The following PTPRT variants were observed in gnomAD, a reference collection of about 807,000 sequenced individuals.
The protein encoded by PTPRT is receptor-type tyrosine-protein phosphatase T.
PTPRT carries 56 observed loss-of-function variants against 176.8 expected under a neutral mutation model. That is an observed-to-expected ratio of 0.32 (90% CI 0.26 to 0.40). The LOEUF (loss-of-function observed/expected upper bound fraction) is 0.40. Ranked by LOEUF, PTPRT falls within the 10% of genes least tolerant of loss-of-function variation. PTPRT has a pLI of 1.00. For synonymous variants in PTPRT, 783 were observed against 739.0 expected (o/e 1.06, Z -0.96); for missense variants, 1,540 against 1,908.2 (o/e 0.81, Z 3.60).
At chr20:42,316,615 C>T (rs1173442953) in intron 11 of PTPRT, among the ~76,000 whole-genome samples, 1 of 152,180 alleles carries the variant, frequency 6.6e-6, no homozygotes, top group Admixed American at 6.5e-5. Flanking sequence ...ATCTGAACTC[C>T]TAATCTTGGC....
At chr20:42,262,045 G>C (rs1412097292) in intron 13 of PTPRT, among the ~76,000 whole-genome samples, 1 of 152,220 alleles carries the variant, frequency 6.6e-6, no homozygotes, top group Admixed American at 6.5e-5. Context: ...CAGAATTTCA[G>C]ATTAGTGCAA....
In PTPRT at chr20:42,074,458, C is replaced by G; in HGVS notation, c.*6421G>C. On this transcript the variant is annotated 3_prime_UTR_variant, in exon 31 of 31. Transcript: ENST00000373187. ...TTTATACTGATACTTTTCTGTCCAACACTTCAAGGCCACCAGACACTCATT... is the reference window on the plus strand; with the variant it reads ...TTTATACTGATACTTTTCTGTCCAAGACTTCAAGGCCACCAGACACTCATT... 1 of 290,220 alleles carries G rather than the reference C, an allele frequency of 3.4e-6. No homozygotes were observed. Among genetic ancestry groups the G allele is most frequent in the East Asian group, 5.1e-5 (1 of 19,560 alleles). 18.0% of individuals were successfully genotyped at this position (290,220 alleles called of 1,614,324 possible).
chr20:42,496,445 G>A (rs541726941), intron 7 of PTPRT, among the ~76,000 whole-genome samples: 115 of 152,242 alleles, frequency 7.6e-4, no homozygotes, highest in African/African-American at 2.6e-3. Context: ...AATTGGAACC[G>A]TTCTGTCAGA....
intron 7 of PTPRT, among the ~76,000 whole-genome samples, chr20:42,656,573 G>A (rs1011452337): frequency 2.6e-5 from 4 of 152,150 alleles, no homozygotes; most frequent in Admixed American, 2.6e-4. Flanking sequence ...ACTGTTGAAG[G>A]CAGGGTGAAA....
chr20:42,683,835 C>G (rs1229957903), intron 6 of PTPRT, among the ~76,000 whole-genome samples: 1 of 152,170 alleles, frequency 6.6e-6, no homozygotes, highest in Non-Finnish European at 1.5e-5. Flanking sequence ...TCTTCATGGT[C>G]CTCAAATTTA....
At chr20:42,248,862 C>G (rs1418654409) in intron 13 of PTPRT, 40 bp from the exon 14 acceptor site, 1 of 1,605,816 alleles carries the variant, frequency 6.2e-7, no homozygotes, top group Non-Finnish European at 8.5e-7. Flanking sequence ...TTGAAAGCAC[C>G]CAAACATGCG....
rs552460302 is a variant in PTPRT at position 42,762,800 on chromosome 20, G to A, written c.685-6164C>T. ...AAGAAAGGCATTTTACAGCCTAATC[G>A]GTGGTTCTGCTTAATCCCATTTTAT... On this transcript the variant is annotated intron_variant, in intron 5 of 30. Transcript: ENST00000373187. Among the ~76,000 whole-genome samples the A allele has an allele frequency of 5.9e-5, 9 of 152,312 alleles. No homozygotes were observed. The South Asian group carries it at 8.3e-4, about 14-fold the overall frequency.
Position 42,352,097 on chromosome 20 carries a change from G to T in PTPRT, c.1749C>A (p.Ala583=), listed in dbSNP as rs2058292686. 1 of 1,613,700 alleles carries T rather than the reference G, an allele frequency of 6.2e-7. No individual in the cohort carries two copies. The highest frequency in any genetic ancestry group is 8.5e-7 in the Non-Finnish European group (1 of 1,179,690). The change falls in exon 10 of 31, where the codon GCC becomes GCA. Residue 583 remains alanine (A), a synonymous_variant. Coordinates refer to ENST00000373187, the MANE Select transcript of PTPRT (RefSeq NM_007050.6). ...GFGPPVTTRI[A]TKISAPSMPE... is the part of the protein sequence containing the mutation. Reference sequence around the variant, plus strand: ...TAGCAGAGATACCTGAAATTTTGGTGGCAATCCGAGTGGTGACAGGGGGCC... The same window carrying T: ...TAGCAGAGATACCTGAAATTTTGGTTGCAATCCGAGTGGTGACAGGGGGCC...
At chr20:42,469,041 C>T (rs2071147555) in intron 8 of PTPRT, among the ~76,000 whole-genome samples, 1 of 152,002 alleles carries the variant, frequency 6.6e-6, no homozygotes, top group South Asian at 2.1e-4. Flanking sequence ...GGAAGTTTCT[C>T]AACTGCCGGG....
chr20:42,585,243 T>A (rs1028335921), intron 7 of PTPRT, among the ~76,000 whole-genome samples: 1 of 152,196 alleles, frequency 6.6e-6, no homozygotes, highest in Non-Finnish European at 1.5e-5. Context: ...GTCTAGGATA[T>A]AAGAGATACA....
intron 1 of PTPRT, among the ~76,000 whole-genome samples, chr20:42,905,479 T>C (rs369361368): frequency 2.0e-5 from 3 of 152,276 alleles, no homozygotes; most frequent in African/African-American, 7.2e-5. Flanking sequence ...GGAGTGTAAA[T>C]TAGTTCAACC....
chr20:42,128,441 T>C (rs1337107781), intron 19 of PTPRT, among the ~76,000 whole-genome samples: 1 of 152,066 alleles, frequency 6.6e-6, no homozygotes, highest in Non-Finnish European at 1.5e-5. Flanking sequence ...CTTTAAAATT[T>C]TTGTGGCATA....
chr20:42,860,442 G>A (rs780276593), intron 2 of PTPRT, among the ~76,000 whole-genome samples: 1 of 151,990 alleles, frequency 6.6e-6, no homozygotes, highest in Non-Finnish European at 1.5e-5. Flanking sequence ...TTATAACATT[G>A]CTTATACATT....
At chr20:42,935,124 G>C (rs1168503479) in intron 1 of PTPRT, among the ~76,000 whole-genome samples, 2 of 148,274 alleles carry the variant, frequency 1.3e-5, no homozygotes, top group African/African-American at 5.0e-5. Flanking sequence ...ATCTTGGAAG[G>C]GCGTCTCATT....
intron 6 of PTPRT, among the ~76,000 whole-genome samples, chr20:42,736,529 C>T (rs2076542510): frequency 6.6e-6 from 1 of 152,210 alleles, no homozygotes; most frequent in Non-Finnish European, 1.5e-5. Flanking sequence ...TGCCTGTCCT[C>T]GTGGAACCCA....
rs73906973 is a variant in PTPRT, at chr20:42,594,826, G to A, written c.1153+83040C>T. Among the ~76,000 whole-genome samples the A allele has an allele frequency of 6.9e-3, 1,050 of 152,254 alleles. 16 individuals are homozygous for A. The highest frequency in any genetic ancestry group is 0.024 in the African/African-American group (1,011 of 41,550). ...GCTGACCTCCTCTGGCAGAAATTCA[G>A]CCTCAAACTGGGAGAAATGAGTGGA... is the stretch of plus-strand genomic sequence containing the variant. On this transcript the variant is annotated intron_variant, in intron 7 of 30. Coordinates refer to ENST00000373187, the MANE Select transcript of PTPRT (RefSeq NM_007050.6).
chr20:42,401,232 T>C (rs1001567790), intron 9 of PTPRT, among the ~76,000 whole-genome samples: 25 of 152,196 alleles, frequency 1.6e-4, no homozygotes, highest in Admixed American at 1.4e-3. Context: ...GTTTAATGTC[T>C]CCGAAGCTTA....
intron 6 of PTPRT, among the ~76,000 whole-genome samples, chr20:42,733,652 T>C (rs1471068172): frequency 1.3e-5 from 2 of 152,202 alleles, no homozygotes; most frequent in Non-Finnish European, 2.9e-5. Flanking sequence ...GTTACTTCCT[T>C]GCAATCAATA....
chr20:43,079,222 C>A (rs796843428), intron 1 of PTPRT, among the ~76,000 whole-genome samples: 2 of 144,904 alleles, frequency 1.4e-5, no homozygotes, highest in Non-Finnish European at 3.0e-5. Context: ...CTCTCTCCCC[C>A]CTGTCCTCTA....
Sources: allele counts gnomAD v4.1 joint callset (sites outside exome capture counted in the v4.1 genomes callset), GRCh38; gene constraint gnomAD v4.1.1; transcripts MANE v1.5; gene names NCBI Gene and HGNC (gene_info 2026-07-23, HGNC 2026-07-21).